Variants in ERBIN observed in about 807,000 individuals in gnomAD.
ERBIN encodes densin-180-like protein.
ERBIN carries 60 observed loss-of-function variants against 158.4 expected under a neutral mutation model. The ratio of observed to expected loss-of-function variants is 0.38; its 90% CI spans 0.31 to 0.47. ERBIN has a LOEUF of 0.47. Ranked by LOEUF, ERBIN falls within the 20% of genes least tolerant of loss-of-function variation. The pLI, the probability that ERBIN is intolerant of heterozygous loss-of-function variation, is 0.99. For synonymous variants in ERBIN, 594 were observed against 557.2 expected (o/e 1.07, Z -0.93); for missense variants, 1,610 against 1,648.0 (o/e 0.98, Z 0.40).
chr5:66,013,059 G>C (rs2151106721), intron 5 of ERBIN, among the ~76,000 whole-genome samples: 1 of 152,222 alleles, frequency 6.6e-6, no homozygotes, highest in Non-Finnish European at 1.5e-5. Context: ...GTGCATGCAT[G>C]CACACTATTG....
intron 1 of ERBIN, among the ~76,000 whole-genome samples, chr5:65,951,155 C>A (rs16894572): frequency 0.042 from 6,448 of 152,154 alleles, 465 homozygotes; most frequent in African/African-American, 0.15. Context: ...TCAAGTGAAC[C>A]TAAAATTGGT....
Position 66,058,579 on chromosome 5 carries a change from C to CT in ERBIN, c.3633+3632dup, listed in dbSNP as rs1330894644. Among the ~76,000 whole-genome samples, 3 of 150,388 alleles carry CT rather than the reference C, an allele frequency of 2.0e-5. No individual in the cohort carries two copies. In the East Asian group the frequency reaches 5.8e-4, roughly 29 times the overall value. On this transcript the variant is annotated intron_variant, in intron 21 of 25. Transcript: ENST00000284037. ...TCAATTTTGGCTTTTGTTGCCATTGCTTTTGGTGTTTTAGACATGAAGTCC... is the reference window on the plus strand; with the variant it reads ...TCAATTTTGGCTTTTGTTGCCATTGCTTTTTGGTGTTTTAGACATGAAGTCC...
chr5:66,005,587 T>C (rs1214102520), intron 4 of ERBIN, among the ~76,000 whole-genome samples: 1 of 152,130 alleles, frequency 6.6e-6, no homozygotes, highest in African/African-American at 2.4e-5. Flanking sequence ...GGTATTCAGT[T>C]AGGAAAAGAG....
At chr5:65,996,631 A>G (rs1046805072) in intron 4 of ERBIN, among the ~76,000 whole-genome samples, 9 of 152,034 alleles carry the variant, frequency 5.9e-5, no homozygotes, top group African/African-American at 2.2e-4. Context: ...TTGTGGCTCC[A>G]TATGAATCAT....
chr5:65,988,097 G>T (rs1751462390), intron 1 of ERBIN, among the ~76,000 whole-genome samples: 1 of 152,202 alleles, frequency 6.6e-6, no homozygotes, highest in Non-Finnish European at 1.5e-5. Flanking sequence ...TTGGCTGGGT[G>T]CAGTGTCTCA....
chr5:66,068,340 A>T (rs182603558), intron 21 of ERBIN, among the ~76,000 whole-genome samples: 13,513 of 151,500 alleles, frequency 0.089, 1,893 homozygotes, highest in African/African-American at 0.3. Context: ...AAAAAAAAAA[A>T]TTTTTGAAGT....
At chr5:65,958,145 C>A (rs1268212406) in intron 1 of ERBIN, among the ~76,000 whole-genome samples, 5 of 148,342 alleles carry the variant, frequency 3.4e-5, no homozygotes, top group African/African-American at 1.3e-4. Context: ...ACTGGGCAGC[C>A]GGGCAGAGGG....
chr5:65,977,336 C>T (rs1343950078), intron 1 of ERBIN, among the ~76,000 whole-genome samples: 3 of 151,376 alleles, frequency 2.0e-5, no homozygotes, highest in East Asian at 2.0e-4. Flanking sequence ...GGCTGCCGGG[C>T]GGAGATGCTC....
At chr5:66,064,241 A>G (rs966981719) in intron 21 of ERBIN, among the ~76,000 whole-genome samples, 6 of 152,260 alleles carry the variant, frequency 3.9e-5, no homozygotes, top group African/African-American at 7.2e-5. Flanking sequence ...TTATATATCA[A>G]GAAGGAATTC....
At chr5:66,073,102 AATTT>A (rs1761674664) in intron 22 of ERBIN, among the ~76,000 whole-genome samples, 1 of 152,112 alleles carries the variant, frequency 6.6e-6, no homozygotes, top group African/African-American at 2.4e-5. Context: ...AATACTTTCT[AATTT>A]CCTGAGCCAT....
chr5:66,039,143 AG>A (rs1432110688), intron 15 of ERBIN, among the ~76,000 whole-genome samples: 3 of 152,098 alleles, frequency 2.0e-5, no homozygotes, highest in Admixed American at 2.0e-4. Flanking sequence ...ATTAATTCTT[AG>A]TACATAGAAA....
chr5:65,993,946 T>C (rs892726880), intron 3 of ERBIN, among the ~76,000 whole-genome samples: 4 of 152,164 alleles, frequency 2.6e-5, no homozygotes, highest in African/African-American at 7.2e-5. Flanking sequence ...TAGAGTGTGT[T>C]GTATATAGCC....
At chr5:66,063,758 A>T (rs923866657) in intron 21 of ERBIN, among the ~76,000 whole-genome samples, 2 of 152,222 alleles carry the variant, frequency 1.3e-5, no homozygotes, top group Non-Finnish European at 2.9e-5. Flanking sequence ...AATTTGTTTT[A>T]AATACCTATT....
intron 19 of ERBIN, among the ~76,000 whole-genome samples, chr5:66,050,146 G>A (rs946781877): frequency 1.2e-4 from 18 of 151,020 alleles, no homozygotes; most frequent in South Asian, 4.2e-4. Context: ...GTAAATGGGT[G>A]AAAAGTATAT....
chr5:65,993,648 AG>A (rs1380542443), intron 3 of ERBIN, among the ~76,000 whole-genome samples: 1 of 152,182 alleles, frequency 6.6e-6, no homozygotes, highest in Non-Finnish European at 1.5e-5. Flanking sequence ...CCCAAACAGC[AG>A]TGTTTTTGAA....
intron 1 of ERBIN, among the ~76,000 whole-genome samples, chr5:65,958,066 G>C (rs1169890202): frequency 6.6e-6 from 1 of 151,556 alleles, no homozygotes; most frequent in African/African-American, 2.4e-5. Context: ...ACGATGGGCG[G>C]CAGGGCAGAG....
At chr5:66,044,110 C>T (rs1380612538) in intron 16 of ERBIN, 27 bp from the exon 17 acceptor site, 2 of 1,468,360 alleles carry the variant, frequency 1.4e-6, no homozygotes, top group Non-Finnish European at 1.8e-6. Context: ...ATTTGTACTT[C>T]ATATTTTACT....
At chr5:65,949,775 C>T (rs1199372640) in intron 1 of ERBIN, among the ~76,000 whole-genome samples, 1 of 152,030 alleles carries the variant, frequency 6.6e-6, no homozygotes, top group Non-Finnish European at 1.5e-5. Flanking sequence ...CACAAATGTC[C>T]TCTTGCTATT....
intron 4 of ERBIN, among the ~76,000 whole-genome samples, chr5:66,004,603 A>T (rs1161138009): frequency 1.3e-5 from 2 of 152,146 alleles, no homozygotes; most frequent in African/African-American, 4.8e-5. Context: ...GGTTTTCGCC[A>T]TGTTGGCCAG....
Sources: gnomAD v4.1 joint callset for allele counts (sites outside exome capture counted in the v4.1 genomes callset) on GRCh38, gnomAD v4.1.1 for gene constraint, MANE v1.5 for transcripts, NCBI Gene and HGNC (gene_info 2026-07-23, HGNC 2026-07-21) for gene names.